CLVS1: variants seen among roughly 807,000 people sequenced by gnomAD.
The protein encoded by CLVS1 is clavesin-1.
In CLVS1, 10 loss-of-function variants were observed where a neutral mutation model predicts 33.1. The observed-to-expected ratio is 0.30, with a 90% confidence interval of 0.19 to 0.51. CLVS1 has a LOEUF of 0.51. CLVS1 is among the 20% of genes least tolerant of loss of function. The pLI is 0.97. For missense variants in CLVS1, 343 were observed against 433.4 expected (o/e 0.79, Z 1.85); for synonymous variants, 163 against 166.1 (o/e 0.98, Z 0.14).
At chr8:61,317,139 T>C (rs544776297) in intron 2 of CLVS1, among the ~76,000 whole-genome samples, 12 of 152,164 alleles carry the variant, frequency 7.9e-5, no homozygotes, top group Non-Finnish European at 1.6e-4. Flanking sequence ...AACAGAAACT[T>C]ATTTCTCAGA....
intron 2 of CLVS1, among the ~76,000 whole-genome samples, chr8:61,375,272 A>G (rs77551352): frequency 0.017 from 2,481 of 145,760 alleles, 78 homozygotes; most frequent in African/African-American, 0.058. Flanking sequence ...TTTTTATGAG[A>G]CAGAGGCTGG....
chr8:60,982,479 T>C, the CLVS1 span, among the ~76,000 whole-genome samples: 2 of 152,234 alleles, frequency 1.3e-5, no homozygotes, highest in Non-Finnish European at 2.9e-5. Flanking sequence ...TCAAATTTGG[T>C]AATCCTTTAA....
chr8:61,436,390 G>A (rs1031157746), intron 3 of CLVS1, among the ~76,000 whole-genome samples: 4 of 152,054 alleles, frequency 2.6e-5, no homozygotes, highest in African/African-American at 9.7e-5. Flanking sequence ...GCACATTCCG[G>A]TCAGGCTTTT....
chr8:61,356,412 T>A (rs577884145), intron 2 of CLVS1, among the ~76,000 whole-genome samples: 1,614 of 151,936 alleles, frequency 0.011, 18 homozygotes, highest in Non-Finnish European at 0.017. Flanking sequence ...GAAGCTCTTT[T>A]GTTTAATTAG....
intron 5 of CLVS1, among the ~76,000 whole-genome samples, chr8:61,485,406 C>T (rs1444048542): frequency 3.3e-5 from 5 of 152,192 alleles, no homozygotes; most frequent in East Asian, 1.9e-4. Context: ...TACCATCTCA[C>T]ACCAGTTAGA....
the CLVS1 span, among the ~76,000 whole-genome samples, chr8:60,979,861 C>G: frequency 6.6e-6 from 1 of 152,164 alleles, no homozygotes; most frequent in Non-Finnish European, 1.5e-5. Flanking sequence ...TTGTAGAACT[C>G]TTTTGGAAAA....
At chr8:61,450,680 C>A (rs374202904) in intron 3 of CLVS1, among the ~76,000 whole-genome samples, 17 of 151,982 alleles carry the variant, frequency 1.1e-4, no homozygotes, top group African/African-American at 3.4e-4. Context: ...CCTGAAGACT[C>A]TATATTTGTA....
At chr8:61,271,884 C>T (rs1809447210) in intron 2 of CLVS1, among the ~76,000 whole-genome samples, 2 of 151,338 alleles carry the variant, frequency 1.3e-5, no homozygotes, top group South Asian at 4.2e-4. Flanking sequence ...CTTCCTCCAT[C>T]CTTTTATTTT....
chr8:61,218,851 G>GTTTCATTTTTCTAGTAATTTCTTAT (rs1808148582), intron 2 of CLVS1, among the ~76,000 whole-genome samples: 1 of 151,976 alleles, frequency 6.6e-6, no homozygotes, highest in African/African-American at 2.4e-5. Context: ...GACTGAGGCA[G>GTTTCATTTTTCTAGTAATTTCTTAT]GATAACCGCT....
intron 2 of CLVS1, among the ~76,000 whole-genome samples, chr8:61,351,809 T>C (rs1812477083): frequency 6.6e-6 from 1 of 152,052 alleles, no homozygotes; most frequent in Non-Finnish European, 1.5e-5. Context: ...AAAATAGCTG[T>C]CAACTGTGAC....
intron 1 of CLVS1, among the ~76,000 whole-genome samples, chr8:61,068,133 C>CTGCACTCCA (rs1227265810): frequency 2.0e-5 from 3 of 150,680 alleles, no homozygotes; most frequent in Non-Finnish European, 4.4e-5. Flanking sequence ...GATTGCACCA[C>CTGCACTCCA]TGCACTCCAG....
At chr8:61,199,941 G>C (rs1408951320) in intron 2 of CLVS1, among the ~76,000 whole-genome samples, 1 of 152,142 alleles carries the variant, frequency 6.6e-6, no homozygotes, top group Non-Finnish European at 1.5e-5. Context: ...AGAAAGTGAA[G>C]GGTGCTCTGT....
intron 5 of CLVS1, among the ~76,000 whole-genome samples, chr8:61,485,376 A>G (rs1355092478): frequency 6.6e-6 from 1 of 152,226 alleles, no homozygotes; most frequent in Admixed American, 6.5e-5. Flanking sequence ...AGAGAAATGC[A>G]AATCAAAACC....
At chr8:61,117,389 C>G (rs1006707504) in intron 1 of CLVS1, among the ~76,000 whole-genome samples, 7 of 151,740 alleles carry the variant, frequency 4.6e-5, no homozygotes, top group Non-Finnish European at 8.8e-5. Context: ...ATTGCCCTGG[C>G]CAGAACTTTC....
chr8:61,023,455 C>T, the CLVS1 span, among the ~76,000 whole-genome samples: 212 of 152,286 alleles, frequency 1.4e-3, 1 homozygote, highest in Non-Finnish European at 1.4e-3. Context: ...AAATGCCCTG[C>T]CATGCACCAT....
chr8:61,192,591 A>C (rs1585677526), intron 2 of CLVS1, among the ~76,000 whole-genome samples: 1 of 152,230 alleles, frequency 6.6e-6, no homozygotes, highest in East Asian at 1.9e-4. Flanking sequence ...CAACCTACAG[A>C]ATGGGAGAAA....
At chr8:61,084,055 A>G (rs1166134458) in intron 1 of CLVS1, among the ~76,000 whole-genome samples, 2 of 152,228 alleles carry the variant, frequency 1.3e-5, no homozygotes, top group African/African-American at 4.8e-5. Flanking sequence ...ATGCTAGAAA[A>G]TGGGGTAAAT....
chr8:61,436,890 A>C (rs374223290), intron 3 of CLVS1, among the ~76,000 whole-genome samples: 2 of 152,238 alleles, frequency 1.3e-5, no homozygotes, highest in Non-Finnish European at 2.9e-5. Context: ...ACTAACATGC[A>C]TAAGCACAGG....
At chr8:61,232,687 C>A (rs758135955) in intron 2 of CLVS1, among the ~76,000 whole-genome samples, 9 of 152,142 alleles carry the variant, frequency 5.9e-5, no homozygotes, top group Non-Finnish European at 1.5e-5. Context: ...CTGAACAACT[C>A]CCACACCCCC....
Sources: gnomAD v4.1 joint callset for allele counts (sites outside exome capture counted in the v4.1 genomes callset) on GRCh38, gnomAD v4.1.1 for gene constraint, MANE v1.5 for transcripts, NCBI Gene and HGNC (gene_info 2026-07-23, HGNC 2026-07-21) for gene names.